PXK: variants seen among roughly 807,000 people sequenced by gnomAD.
PXK encodes PX domain-containing protein kinase-like protein.
Under a neutral mutation model 84.7 loss-of-function variants are expected in PXK, and 35 were observed. The ratio of observed to expected loss-of-function variants is 0.41; its 90% confidence interval spans 0.32 to 0.55. The LOEUF (loss-of-function observed/expected upper bound fraction) is 0.55. Among genes scored for constraint, PXK ranks in the 20% least tolerant of loss-of-function variants. The probability of loss-of-function intolerance (pLI) is 0.21; values close to 1 mark genes in which losing one functional copy is unlikely to be tolerated. For missense variants in PXK, 634 were observed against 699.7 expected (o/e 0.91, Z 1.06); for synonymous variants, 253 against 260.8 (o/e 0.97, Z 0.29).
At position 58,385,726 on chromosome 3, in the gene PXK, T is replaced by C. The variant is rs1338976496; in HGVS notation, c.388+3026T>C. 6.6e-6 allele frequency among the ~76,000 whole-genome samples: 1 copy of C among 152,202 alleles called. No homozygotes were observed. The highest frequency in any genetic ancestry group is 1.5e-5 in the Non-Finnish European group (1 of 68,042). ...GTTGACTAGGCTGGTCTCAAACTCT[T>C]GAGCTCAAATGATCTGCCCACCTCA... On this transcript the variant is annotated intron_variant, in intron 4 of 17. Transcript: ENST00000356151. This position sits in a 1 kb window ranked among gnomAD's most constrained non-coding sequence, Gnocchi z 5.1.
chr3:58,400,156 T>C lies in PXK; in HGVS notation c.1181+779T>C, dbSNP rs2058340097. Among the ~76,000 whole-genome samples the C allele has an allele frequency of 6.6e-6, 1 of 151,992 alleles. No individual in the cohort carries two copies. Among genetic ancestry groups the C allele is most frequent in the Non-Finnish European group, 1.5e-5 (1 of 68,018 alleles). On this transcript the variant is annotated intron_variant, in intron 12 of 17. Transcript: ENST00000356151. This position sits in a 1 kb window ranked among gnomAD's most constrained non-coding sequence, Gnocchi z 4.0. ...AAGTAGAGTTTTGTGAACTGTGAAA[T>C]GGGAATGATAATAAGTTCCCACCTC...
At chr3:58,420,620 G>T in intron 17 of PXK, 1 of 1,535,756 alleles carries the variant, frequency 6.5e-7, no homozygotes, top group Non-Finnish European at 8.7e-7. Context: ...CTGTTTCTGT[G>T]TGTGAAATAG....
At position 58,399,659 on chromosome 3, in the gene PXK, G is replaced by GT. The variant is rs757791866; in HGVS notation, c.1181+283dup. On this transcript the variant is annotated intron_variant, in intron 12 of 17. Transcript: ENST00000356151. This position sits in a 1 kb window ranked among gnomAD's most constrained non-coding sequence, Gnocchi z 4.3. ...GTACGTACATTAGCATTGGGTGTGC[G>GT]TATGTGTCGCAGCCCCCAGCTTAGG... Among the ~76,000 whole-genome samples the GT allele has an allele frequency of 1.1e-4, 16 of 152,102 alleles. No individual in the cohort carries two copies. The highest frequency in any genetic ancestry group is 7.4e-5 in the Non-Finnish European group (5 of 68,022).
At chr3:58,373,058 T>C (rs962787743) in intron 3 of PXK, among the ~76,000 whole-genome samples, 34 of 151,298 alleles carry the variant, frequency 2.2e-4, no homozygotes, top group African/African-American at 7.8e-4. Flanking sequence ...CCCCTTCCAG[T>C]GTTGAGACCT....
At chr3:58,339,759 C>A (rs1403113159) in intron 1 of PXK, among the ~76,000 whole-genome samples, 1 of 152,078 alleles carries the variant, frequency 6.6e-6, no homozygotes, top group Admixed American at 6.6e-5. Context: ...GAAAGAGCCA[C>A]CCATGGGTAC....
chr3:58,336,066 TA>T (rs1361756337), intron 1 of PXK, among the ~76,000 whole-genome samples: 35 of 58,768 alleles, frequency 6.0e-4, no homozygotes, highest in African/African-American at 1.5e-3. Context: ...TATATATATA[TA>T]TATATTTTTT....
At chr3:58,394,086 C>G (rs548455322) in intron 7 of PXK, among the ~76,000 whole-genome samples, 1 of 152,308 alleles carries the variant, frequency 6.6e-6, no homozygotes, top group Admixed American at 6.5e-5. Context: ...AAAAAGTCAG[C>G]AGCAACCATT....
Position 58,397,370 on chromosome 3 carries a change from C to T in PXK, c.984+170C>T, listed in dbSNP as rs932694943. On this transcript the variant is annotated intron_variant, in intron 10 of 17. Transcript: ENST00000356151. The surrounding 1 kb of genome is among the most constrained non-coding windows in gnomAD (Gnocchi z 4.7). ...TCTCTGGGAGGCTGAGTTGAAATGG[C>T]GGGTGGGGTAAGGAGGGAGGTGGAC... is the stretch of plus-strand genomic sequence containing the variant. 1.3e-5 allele frequency among the ~76,000 whole-genome samples: 2 copies of T among 151,974 alleles called. No individual in the cohort carries two copies. Among genetic ancestry groups the T allele is most frequent in the African/African-American group, 4.8e-5 (2 of 41,372 alleles).
At chr3:58,353,773 C>T (rs1383972189) in intron 1 of PXK, among the ~76,000 whole-genome samples, 1 of 152,054 alleles carries the variant, frequency 6.6e-6, no homozygotes, top group African/African-American at 2.4e-5. Flanking sequence ...AAAAGAGGGG[C>T]ATAAGTAAGG....
At position 58,379,849 on chromosome 3, in the gene PXK, A is replaced by G. The variant is rs534190994; in HGVS notation, c.202-2665A>G. Among the ~76,000 whole-genome samples the G allele has an allele frequency of 1.3e-4, 20 of 152,178 alleles. No homozygotes were observed. The highest frequency in any genetic ancestry group is 3.9e-4 in the Admixed American group (6 of 15,276). On this transcript the variant is annotated intron_variant, in intron 3 of 17. Coordinates refer to ENST00000356151, the MANE Select transcript of PXK (RefSeq NM_017771.5). This position sits in a 1 kb window ranked among gnomAD's most constrained non-coding sequence, Gnocchi z 5.1. ...GGTGCACATCTGTAGTCCCAGCTACAGGTGTGTACCACTTGTAGAGGCTGA... is the reference window on the plus strand; with the variant it reads ...GGTGCACATCTGTAGTCCCAGCTACGGGTGTGTACCACTTGTAGAGGCTGA...
chr3:58,356,900 CT>C (rs1312997041), intron 1 of PXK, among the ~76,000 whole-genome samples: 2 of 40,026 alleles, frequency 5.0e-5, no homozygotes, highest in Non-Finnish European at 7.9e-5. Flanking sequence ...TGCGCCCGGC[CT>C]CTTTTTTTTT....
intron 1 of PXK, among the ~76,000 whole-genome samples, chr3:58,334,139 G>A (rs1219188856): frequency 6.6e-6 from 1 of 152,096 alleles, no homozygotes; most frequent in Non-Finnish European, 1.5e-5. Context: ...TTCTCTTTTC[G>A]TTCAAGCTCT....
At position 58,382,643 on chromosome 3, in the gene PXK, A is replaced by G. The variant is rs1486425042; in HGVS notation, c.331A>G (p.Asn111Asp). Residue 111 changes from asparagine (N) to aspartate (D), a missense_variant, in exon 4 of 18, where the codon AAT (asparagine) becomes GAT (aspartate). By Grantham distance (23) the Asn-to-Asp change is conservative (BLOSUM62 1). Coordinates refer to ENST00000356151, the MANE Select transcript of PXK (RefSeq NM_017771.5). Reference sequence around the variant, plus strand: ...GATCACAACAAATCATATCTTGTCTAATTGTGAGCTGGTTAAGAAGTTTTT... The same window carrying G: ...GATCACAACAAATCATATCTTGTCTGATTGTGAGCTGGTTAAGAAGTTTTT... The part of the protein sequence containing the change: ...NVITTNHILS[N>D]CELVKKFLDP... 1 of 1,594,486 alleles carries G rather than the reference A, an allele frequency of 6.3e-7. No homozygotes were observed. The highest frequency in any genetic ancestry group is 8.5e-7 in the Non-Finnish European group (1 of 1,174,188).
At chr3:58,374,654 T>A (rs1172920501) in intron 3 of PXK, among the ~76,000 whole-genome samples, 1 of 152,086 alleles carries the variant, frequency 6.6e-6, no homozygotes, top group African/African-American at 2.4e-5. Flanking sequence ...AGTGTGGAGG[T>A]GTCTAGGAAA....
At chr3:58,387,119 G>A (rs1049345377) in intron 4 of PXK, among the ~76,000 whole-genome samples, 1 of 152,184 alleles carries the variant, frequency 6.6e-6, no homozygotes, top group South Asian at 2.1e-4. Flanking sequence ...ATGACTGCTC[G>A]CACTGGGGGC....
chr3:58,417,005 A>G (rs957479794), intron 17 of PXK, among the ~76,000 whole-genome samples: 1 of 152,198 alleles, frequency 6.6e-6, no homozygotes, highest in African/African-American at 2.4e-5. Context: ...CCTGGGCTCA[A>G]GTGATCCTCC....
intron 1 of PXK, among the ~76,000 whole-genome samples, chr3:58,351,413 G>GTC (rs1559887227): frequency 6.6e-6 from 1 of 151,052 alleles, no homozygotes; most frequent in Non-Finnish European, 1.5e-5. Context: ...GTGTGTGTGT[G>GTC]TGTGTGTGTG....
chr3:58,353,031 C>G (rs2097967690), intron 1 of PXK, among the ~76,000 whole-genome samples: 1 of 151,232 alleles, frequency 6.6e-6, no homozygotes, highest in Admixed American at 6.6e-5. Context: ...GAGTCTTGCT[C>G]TGTCACCCAG....
At chr3:58,375,028 G>A (rs2098426044) in intron 3 of PXK, among the ~76,000 whole-genome samples, 1 of 136,434 alleles carries the variant, frequency 7.3e-6, no homozygotes, top group East Asian at 1.9e-4. Flanking sequence ...TGTCTGGGCA[G>A]AGCAATACAT....
Sources: gnomAD v4.1 joint callset for allele counts (sites outside exome capture counted in the v4.1 genomes callset) on GRCh38, gnomAD v4.1.1 for gene constraint, Gnocchi (gnomAD v3.1) non-coding constraint, MANE v1.5 for transcripts, NCBI Gene and HGNC (gene_info 2026-07-23, HGNC 2026-07-21) for gene names.